The following CNTNAP4 variants were observed in gnomAD, a reference collection of about 807,000 sequenced individuals.
The protein encoded by CNTNAP4 is contactin associated protein family member 4.
A neutral mutation model predicts 148.4 loss-of-function variants in CNTNAP4; 98 were observed. The observed-to-expected ratio is 0.66, with a 90% CI of 0.56 to 0.78. The LOEUF (loss-of-function observed/expected upper bound fraction) is 0.78, where lower values mean the gene tolerates loss of function less well. CNTNAP4 is among the 30% of genes least tolerant of loss of function. CNTNAP4 has a pLI of 0.00. For missense variants in CNTNAP4, 1,935 were observed against 1,565.6 expected (o/e 1.24, Z -3.98); for synonymous variants, 730 against 565.1 (o/e 1.29, Z -4.14).
At chr16:76,548,295 C>CTTTTTT (rs66981960) in intron 21 of CNTNAP4, among the ~76,000 whole-genome samples, 4 of 92,928 alleles carry the variant, frequency 4.3e-5, no homozygotes, top group Non-Finnish European at 4.1e-5. Context: ...TTCACTGCAC[C>CTTTTTT]TTTTTTTTTT....
intron 9 of CNTNAP4, 27 bp from the exon 10 acceptor site, chr16:76,467,325 G>T (rs72797097): frequency 4.4e-6 from 7 of 1,603,956 alleles, no homozygotes; most frequent in Non-Finnish European, 6.0e-6. Context: ...ATTGTGATGC[G>T]TACTGGATTT....
At chr16:76,493,327 T>A (rs375595693) in intron 13 of CNTNAP4, among the ~76,000 whole-genome samples, 155 of 152,290 alleles carry the variant, frequency 1.0e-3, no homozygotes, top group African/African-American at 3.5e-3. Flanking sequence ...GATCTGTGAC[T>A]CAGCACACAG....
chr16:76,494,334 T>C (rs1384234575), intron 13 of CNTNAP4, among the ~76,000 whole-genome samples: 1 of 152,154 alleles, frequency 6.6e-6, no homozygotes, highest in Non-Finnish European at 1.5e-5. Context: ...TTCAAATAAA[T>C]AGCCAAGCCA....
At chr16:76,550,351 A>C (rs1227413551) in intron 21 of CNTNAP4, among the ~76,000 whole-genome samples, 1 of 152,188 alleles carries the variant, frequency 6.6e-6, no homozygotes, top group Non-Finnish European at 1.5e-5. Flanking sequence ...TTAGCTCATA[A>C]AAGGATAAAT....
At chr16:76,343,068 A>T (rs1964614161) in intron 2 of CNTNAP4, among the ~76,000 whole-genome samples, 1 of 151,748 alleles carries the variant, frequency 6.6e-6, no homozygotes. Context: ...TGCCAGAAGC[A>T]ATTTGAAATT....
intron 9 of CNTNAP4, among the ~76,000 whole-genome samples, chr16:76,462,972 T>C (rs191677179): frequency 6.6e-6 from 1 of 152,352 alleles, no homozygotes; most frequent in East Asian, 1.9e-4. Flanking sequence ...TTTCTAAGTA[T>C]TGACGGTGAG....
chr16:76,425,410 A>G (rs1187835273), intron 3 of CNTNAP4, among the ~76,000 whole-genome samples: 3 of 152,172 alleles, frequency 2.0e-5, no homozygotes, highest in Non-Finnish European at 2.9e-5. Context: ...CATATATTTT[A>G]TTGAGAACCA....
chr16:76,279,020 T>C (rs756447143), intron 1 of CNTNAP4, among the ~76,000 whole-genome samples: 8 of 152,196 alleles, frequency 5.3e-5, no homozygotes, highest in Non-Finnish European at 1.2e-4. Flanking sequence ...GATAATCTCA[T>C]AAGTCAATAA....
intron 2 of CNTNAP4, among the ~76,000 whole-genome samples, chr16:76,323,591 C>T (rs1005942269): frequency 1.6e-4 from 25 of 152,070 alleles, no homozygotes; most frequent in Admixed American, 1.2e-3. Flanking sequence ...ATTTTTGTGT[C>T]GATTTATTTG....
intron 21 of CNTNAP4, among the ~76,000 whole-genome samples, chr16:76,545,578 CT>C (rs1284709568): frequency 3.3e-4 from 31 of 93,278 alleles, no homozygotes; most frequent in Non-Finnish European, 5.1e-4. Flanking sequence ...TAGAGCTCTA[CT>C]TACACTAAAA....
intron 3 of CNTNAP4, among the ~76,000 whole-genome samples, chr16:76,369,985 G>T (rs992917786): frequency 2.6e-5 from 4 of 152,132 alleles, no homozygotes; most frequent in Middle Eastern, 3.2e-3. Flanking sequence ...CAATTCAAAT[G>T]CAATCTCTTC....
intron 21 of CNTNAP4, among the ~76,000 whole-genome samples, chr16:76,542,164 G>C (rs2084490627): frequency 6.6e-6 from 1 of 152,170 alleles, no homozygotes; most frequent in Middle Eastern, 3.4e-3. Flanking sequence ...ACATGGCTAG[G>C]CTCTCCCTTT....
intron 3 of CNTNAP4, among the ~76,000 whole-genome samples, chr16:76,374,948 T>A (rs1283873701): frequency 6.6e-6 from 1 of 151,888 alleles, no homozygotes; most frequent in East Asian, 2.0e-4. Context: ...TTGTCTTTTT[T>A]AGTAGAGATG....
At chr16:76,492,975 G>A (rs1268778174) in intron 13 of CNTNAP4, among the ~76,000 whole-genome samples, 1 of 148,870 alleles carries the variant, frequency 6.7e-6, no homozygotes, top group African/African-American at 2.5e-5. Flanking sequence ...ATGCTTCCCT[G>A]GTCTTTCAGG....
At chr16:76,388,815 C>G (rs2016722386) in intron 3 of CNTNAP4, among the ~76,000 whole-genome samples, 1 of 152,154 alleles carries the variant, frequency 6.6e-6, no homozygotes, top group Non-Finnish European at 1.5e-5. Context: ...TTTTGTAGGT[C>G]ATATAATTAA....
chr16:76,461,422 A>G (rs1187920152), intron 8 of CNTNAP4, among the ~76,000 whole-genome samples: 6 of 152,182 alleles, frequency 3.9e-5, no homozygotes, highest in African/African-American at 1.4e-4. Flanking sequence ...TATCAAATCT[A>G]CAAACTACGA....
chr16:76,322,016 A>G (rs1458117972), intron 2 of CNTNAP4, among the ~76,000 whole-genome samples: 1 of 152,108 alleles, frequency 6.6e-6, no homozygotes, highest in African/African-American at 2.4e-5. Context: ...AACTTCACTG[A>G]CTGAGTTTGT....
chr16:76,529,240 T>C (rs1340544314), intron 17 of CNTNAP4, among the ~76,000 whole-genome samples: 2 of 152,166 alleles, frequency 1.3e-5, no homozygotes, highest in East Asian at 1.9e-4. Context: ...TCTTTCACTT[T>C]GTCCTTTGTG....
chr16:76,529,153 C>T lies in CNTNAP4; in HGVS notation c.2756-6392C>T, dbSNP rs117467024. Among the ~76,000 whole-genome samples the T allele has an allele frequency of 9.0e-3, 1,366 of 152,236 alleles. 8 individuals carry two copies. The highest frequency in any genetic ancestry group is 0.015 in the African/African-American group (624 of 41,546). ...ATTGCTTTTTATAATAAAATGGATTCGCCTTCTCTTTGTAGCCTGTCTTTC... is the reference window on the plus strand; with the variant it reads ...ATTGCTTTTTATAATAAAATGGATTTGCCTTCTCTTTGTAGCCTGTCTTTC... On this transcript the variant is annotated intron_variant, in intron 17 of 23. Coordinates refer to ENST00000611870, the MANE Select transcript of CNTNAP4 (RefSeq NM_033401.5).
Sources: allele counts gnomAD v4.1 joint callset (sites outside exome capture counted in the v4.1 genomes callset), GRCh38; gene constraint gnomAD v4.1.1; transcripts MANE v1.5; gene names NCBI Gene and HGNC (gene_info 2026-07-23, HGNC 2026-07-21).